The following SGCZ variants were observed in gnomAD, a reference collection of about 807,000 sequenced individuals.
SGCZ encodes the protein sarcoglycan zeta.
SGCZ carries 40 observed loss-of-function variants against 41.3 expected under a neutral mutation model. That is an observed-to-expected ratio of 0.97 (90% confidence interval 0.75 to 1.26). The LOEUF (loss-of-function observed/expected upper bound fraction) is 1.26, where lower values mean the gene tolerates loss of function less well. SGCZ is among the 50% of genes most tolerant of loss of function. The pLI is 0.00. For synonymous variants in SGCZ, 206 were observed against 137.5 expected (o/e 1.50, Z -3.49); for missense variants, 552 against 369.8 (o/e 1.49, Z -4.04).
intron 2 of SGCZ, among the ~76,000 whole-genome samples, chr8:14,494,239 CT>C (rs903661476): frequency 8.5e-5 from 13 of 152,264 alleles, no homozygotes; most frequent in African/African-American, 2.4e-4. Flanking sequence ...AATAAAGAGA[CT>C]TCAGAGCCTG....
intron 2 of SGCZ, among the ~76,000 whole-genome samples, chr8:14,395,771 A>G (rs1184147278): frequency 6.6e-6 from 1 of 152,208 alleles, no homozygotes; most frequent in Non-Finnish European, 1.5e-5. Flanking sequence ...CAGAGCAAGT[A>G]TCAGGATATA....
intron 3 of SGCZ, among the ~76,000 whole-genome samples, chr8:14,238,036 C>G (rs1050997115): frequency 1.3e-5 from 2 of 152,222 alleles, no homozygotes; most frequent in Admixed American, 1.3e-4. Context: ...GCAAAAGTCC[C>G]TTTTTAAGTT....
At chr8:14,453,362 A>C (rs1380393732) in intron 2 of SGCZ, among the ~76,000 whole-genome samples, 1 of 152,178 alleles carries the variant, frequency 6.6e-6, no homozygotes, top group Non-Finnish European at 1.5e-5. Flanking sequence ...ACTTTCTGGA[A>C]TATTTGCAAT....
rs200262981 is a variant in SGCZ at position 14,375,384 on chromosome 8, G to A, written c.235-51180C>T. 2.0e-4 allele frequency among the ~76,000 whole-genome samples: 31 copies of A among 152,232 alleles called. No homozygotes were observed. In the East Asian group the frequency reaches 6.0e-3, roughly 29 times the overall value. On this transcript the variant is annotated intron_variant, in intron 2 of 7. Coordinates refer to ENST00000382080, the MANE Select transcript of SGCZ (RefSeq NM_139167.4). The stretch of plus-strand genomic sequence containing the variant: ...AGGTCAAGTGGCCAAAAATATATGT[G>A]AGAATAAAGAAGGCCTAAATCCCAT...
rs575308218 is a variant in SGCZ, at chr8:14,904,707, C to A, written c.39+332878G>T. 2.6e-4 allele frequency among the ~76,000 whole-genome samples: 39 copies of A among 152,074 alleles called. No homozygotes were observed. The South Asian group carries it at 6.6e-3, about 26-fold the overall frequency. On this transcript the variant is annotated intron_variant, in intron 1 of 7. Transcript: ENST00000382080. The stretch of plus-strand genomic sequence containing the variant: ...CACAGCATTCTACTTAGAAAATATT[C>A]TCTATCTATATTTTATAATTAGATT...
chr8:14,384,139 C>T (rs1804478192), intron 2 of SGCZ, among the ~76,000 whole-genome samples: 2 of 151,986 alleles, frequency 1.3e-5, no homozygotes, highest in Admixed American at 6.6e-5. Flanking sequence ...CAACAGTCCC[C>T]AGTGTGTGAT....
chr8:14,814,448 T>A (rs1801836630), intron 1 of SGCZ, among the ~76,000 whole-genome samples: 1 of 152,050 alleles, frequency 6.6e-6, no homozygotes, highest in African/African-American at 2.4e-5. Context: ...CACTTTCCAG[T>A]ATAAAGTAAG....
At position 14,365,452 on chromosome 8, in the gene SGCZ, A is replaced by G. The variant is rs1176148018; in HGVS notation, c.235-41248T>C. Among the ~76,000 whole-genome samples, 4 of 152,108 alleles carry G rather than the reference A, an allele frequency of 2.6e-5. No individual in the cohort carries two copies. In the East Asian group the frequency reaches 7.7e-4, roughly 29 times the overall value. ...ATCTCATTTACATATTGGTTGATTT[A>G]ATCTGCTAACATATTGTGTACAGTT... On this transcript the variant is annotated intron_variant, in intron 2 of 7. Coordinates refer to ENST00000382080, the MANE Select transcript of SGCZ (RefSeq NM_139167.4).
chr8:14,980,618 G>A (rs1267105442), intron 1 of SGCZ, among the ~76,000 whole-genome samples: 3 of 152,146 alleles, frequency 2.0e-5, no homozygotes, highest in African/African-American at 7.2e-5. Flanking sequence ...ATGGCAGCAG[G>A]CAAAGAGAGA....
chr8:14,543,867 G>T (rs118144489), intron 2 of SGCZ, among the ~76,000 whole-genome samples: 2 of 152,064 alleles, frequency 1.3e-5, no homozygotes, highest in African/African-American at 4.8e-5. Context: ...CTACTTAGTA[G>T]CTGTGTGCCT....
intron 1 of SGCZ, among the ~76,000 whole-genome samples, chr8:14,883,779 T>TTG (rs1804683748): frequency 7.5e-6 from 1 of 133,894 alleles, no homozygotes; most frequent in African/African-American, 2.8e-5. Flanking sequence ...TCCTGTTGTT[T>TTG]TTTTTTTTTT....
At chr8:14,880,014 T>C (rs112322213) in intron 1 of SGCZ, among the ~76,000 whole-genome samples, 2,802 of 152,134 alleles carry the variant, frequency 0.018, 94 homozygotes, top group African/African-American at 0.063. Context: ...CTAAGTTTTG[T>C]ATTTTTAGTA....
At chr8:14,514,782 A>AGTGTGTGT (rs1802566071) in intron 2 of SGCZ, among the ~76,000 whole-genome samples, 5 of 27,294 alleles carry the variant, frequency 1.8e-4, no homozygotes. Flanking sequence ...CATATATGTA[A>AGTGTGTGT]ATGTGTGTGT....
chr8:14,987,349 T>C (rs1801858336), intron 1 of SGCZ, among the ~76,000 whole-genome samples: 1 of 151,924 alleles, frequency 6.6e-6, no homozygotes, highest in South Asian at 2.1e-4. Context: ...ATTTCAAATA[T>C]CAAAATAACT....
chr8:15,134,390 A>G lies in SGCZ; in HGVS notation c.39+103195T>C, dbSNP rs139283326. Among the ~76,000 whole-genome samples the G allele has an allele frequency of 1.4e-4, 22 of 152,200 alleles. No homozygotes were observed. In the East Asian group the frequency reaches 3.7e-3, roughly 25 times the overall value. Reference sequence around the variant, plus strand: ...AATTACATGGTCAAAAAATTACCAGAGAATCTAATTTAAGCTATATGCCCA... The same window carrying G: ...AATTACATGGTCAAAAAATTACCAGGGAATCTAATTTAAGCTATATGCCCA... On this transcript the variant is annotated intron_variant, in intron 1 of 7. Coordinates refer to ENST00000382080, the MANE Select transcript of SGCZ (RefSeq NM_139167.4).
At chr8:14,681,095 G>A (rs1808432653) in intron 1 of SGCZ, among the ~76,000 whole-genome samples, 1 of 151,502 alleles carries the variant, frequency 6.6e-6, no homozygotes, top group East Asian at 1.9e-4. Context: ...TACATTTAAT[G>A]AAATAATGGC....
intron 1 of SGCZ, among the ~76,000 whole-genome samples, chr8:14,844,955 T>G (rs1381716331): frequency 2.0e-5 from 3 of 152,166 alleles, no homozygotes; most frequent in African/African-American, 7.2e-5. Flanking sequence ...CCCAGGAGGT[T>G]CTCTGAGTTG....
At chr8:14,605,468 G>A (rs1283210246) in intron 1 of SGCZ, among the ~76,000 whole-genome samples, 1 of 151,858 alleles carries the variant, frequency 6.6e-6, no homozygotes, top group Non-Finnish European at 1.5e-5. Context: ...ATTGACTATA[G>A]CCACCCTGTT....
chr8:14,961,674 G>T (rs1800971094), intron 1 of SGCZ, among the ~76,000 whole-genome samples: 2 of 152,138 alleles, frequency 1.3e-5, no homozygotes. Context: ...CCATCTACTA[G>T]TGGGTCTTGG....
Sources: gnomAD v4.1 joint callset for allele counts (sites outside exome capture counted in the v4.1 genomes callset) on GRCh38, gnomAD v4.1.1 for gene constraint, MANE v1.5 for transcripts, NCBI Gene and HGNC (gene_info 2026-07-23, HGNC 2026-07-21) for gene names.